NAALADL2: variants seen among roughly 807,000 people sequenced by gnomAD.
NAALADL2 encodes inactive N-acetylated-alpha-linked acidic dipeptidase-like protein 2.
A neutral mutation model predicts 87.2 loss-of-function variants in NAALADL2; 76 were observed. The ratio of observed to expected loss-of-function variants is 0.87; its 90% CI spans 0.72 to 1.05. The LOEUF is 1.05. NAALADL2 is among the 50% of genes least tolerant of loss of function. NAALADL2 has a pLI of 0.00. For synonymous variants in NAALADL2, 354 were observed against 331.0 expected (o/e 1.07, Z -0.75); for missense variants, 1,089 against 945.8 (o/e 1.15, Z -1.99).
At chr3:175,212,551 A>ATTT (rs80347805) in intron 2 of NAALADL2, among the ~76,000 whole-genome samples, 1 of 150,926 alleles carries the variant, frequency 6.6e-6, no homozygotes, top group African/African-American at 2.4e-5. Context: ...AATTTTCTTC[A>ATTT]TTTTTTTTTC....
At chr3:174,556,344 C>T (rs1427804668) in intron 2 of NAALADL2, among the ~76,000 whole-genome samples, 1 of 152,076 alleles carries the variant, frequency 6.6e-6, no homozygotes, top group East Asian at 1.9e-4. Context: ...TTTTACACAT[C>T]TTTAGCAAGT....
At chr3:174,796,057 G>T (rs972921577) in intron 3 of NAALADL2, among the ~76,000 whole-genome samples, 23 of 152,216 alleles carry the variant, frequency 1.5e-4, no homozygotes, top group Admixed American at 3.9e-4. Context: ...GATCAATCAG[G>T]TCATCTAGAT....
chr3:174,561,608 A>T (rs1515594), intron 2 of NAALADL2, among the ~76,000 whole-genome samples: 9 of 151,772 alleles, frequency 5.9e-5, no homozygotes, highest in African/African-American at 2.2e-4. Flanking sequence ...TGAGGGTAGA[A>T]GATTCTTGCT....
chr3:175,360,338 A>G (rs1764843244), intron 5 of NAALADL2, among the ~76,000 whole-genome samples: 1 of 152,168 alleles, frequency 6.6e-6, no homozygotes, highest in East Asian at 1.9e-4. Flanking sequence ...CTAAATGCCT[A>G]CAAATATATC....
chr3:174,862,225 C>G (rs932221108), intron 1 of NAALADL2, among the ~76,000 whole-genome samples: 2 of 151,962 alleles, frequency 1.3e-5, no homozygotes, highest in Admixed American at 1.3e-4. Context: ...AGGGAAGGAT[C>G]ATTTTTCTTG....
intron 1 of NAALADL2, among the ~76,000 whole-genome samples, chr3:174,479,329 A>G (rs764496521): frequency 1.3e-5 from 2 of 152,164 alleles, no homozygotes; most frequent in African/African-American, 2.4e-5. Flanking sequence ...GTCAAGTAAT[A>G]TGCTAAGTAT....
At chr3:175,649,264 G>A (rs1050218211) in intron 11 of NAALADL2, among the ~76,000 whole-genome samples, 1 of 152,012 alleles carries the variant, frequency 6.6e-6, no homozygotes, top group African/African-American at 2.4e-5. Flanking sequence ...AAAAGATAAA[G>A]AAAACATAAA....
chr3:174,527,451 A>G (rs9811259), intron 1 of NAALADL2, among the ~76,000 whole-genome samples: 48,545 of 151,280 alleles, frequency 0.32, 8,458 homozygotes, highest in East Asian at 0.49. Context: ...TCTGGGAGGC[A>G]GAGGTTGCAA....
intron 11 of NAALADL2, among the ~76,000 whole-genome samples, chr3:175,668,148 T>C (rs1242049516): frequency 6.6e-6 from 1 of 152,210 alleles, no homozygotes; most frequent in Non-Finnish European, 1.5e-5. Context: ...ATTATTCTAA[T>C]AATTACTCAG....
intron 3 of NAALADL2, among the ~76,000 whole-genome samples, chr3:174,801,659 A>C (rs922546758): frequency 6.6e-6 from 1 of 152,074 alleles, no homozygotes; most frequent in African/African-American, 2.4e-5. Flanking sequence ...AATTTGAGGA[A>C]GTTTCCTTCT....
intron 11 of NAALADL2, among the ~76,000 whole-genome samples, chr3:175,630,454 TTAAG>T (rs1482539265): frequency 6.6e-6 from 1 of 151,746 alleles, no homozygotes; most frequent in Admixed American, 6.6e-5. Flanking sequence ...ATGTATTTAA[TTAAG>T]TATTACTATT....
intron 1 of NAALADL2, among the ~76,000 whole-genome samples, chr3:174,529,239 G>A (rs1721030051): frequency 1.3e-5 from 2 of 152,164 alleles, no homozygotes; most frequent in Admixed American, 1.3e-4. Context: ...GAAATCCACT[G>A]GGGCAACCAA....
intron 11 of NAALADL2, among the ~76,000 whole-genome samples, chr3:175,687,479 C>A (rs1203041668): frequency 6.6e-6 from 1 of 152,102 alleles, no homozygotes; most frequent in African/African-American, 2.4e-5. Flanking sequence ...TACATAACAG[C>A]CGCATTTAAT....
intron 2 of NAALADL2, among the ~76,000 whole-genome samples, chr3:175,147,266 G>T (rs935217148): frequency 6.6e-6 from 1 of 151,972 alleles, no homozygotes. Context: ...GCACTCCCCA[G>T]TGTCTATTGT....
rs141734698 is a variant in NAALADL2, at chr3:174,481,715, A to G, written c.-184+40683A>G. ...TCAGCAAAGGGAAAAGGTACATGGA[A>G]CAATGATTGGGAGAAACCCAGTGCA... On this transcript the variant is annotated intron_variant, in intron 1 of 3. Transcript: ENST00000434257. 1.7e-3 allele frequency among the ~76,000 whole-genome samples: 258 copies of G among 152,276 alleles called. 1 individual carries two copies. The highest frequency in any genetic ancestry group is 6.1e-3 in the African/African-American group (252 of 41,572).
At chr3:175,749,940 T>C (rs1264527605) in intron 12 of NAALADL2, among the ~76,000 whole-genome samples, 3 of 152,134 alleles carry the variant, frequency 2.0e-5, no homozygotes, top group East Asian at 1.9e-4. Context: ...GTATCAAGGG[T>C]GTTCAGAAGG....
intron 6 of NAALADL2, among the ~76,000 whole-genome samples, chr3:175,462,321 G>A (rs574719085): frequency 6.6e-5 from 10 of 152,162 alleles, no homozygotes; most frequent in South Asian, 4.2e-4. Flanking sequence ...CAGACTCTAC[G>A]TAGATTTACT....
chr3:175,368,562 G>GGTGTGTGT (rs201958182), intron 5 of NAALADL2, among the ~76,000 whole-genome samples: 255 of 147,138 alleles, frequency 1.7e-3, no homozygotes, highest in Non-Finnish European at 2.7e-3. Flanking sequence ...GACTGTAGCA[G>GGTGTGTGT]GTGTGTGTGA....
chr3:175,654,947 G>A (rs911219217), intron 11 of NAALADL2, among the ~76,000 whole-genome samples: 3 of 135,510 alleles, frequency 2.2e-5, no homozygotes, highest in South Asian at 2.3e-4. Context: ...TTTTTTTTTT[G>A]CTATGATGAA....
Sources: gnomAD v4.1 joint callset for allele counts (sites outside exome capture counted in the v4.1 genomes callset) on GRCh38, gnomAD v4.1.1 for gene constraint, MANE v1.5 for transcripts, NCBI Gene and HGNC (gene_info 2026-07-23, HGNC 2026-07-21) for gene names.